The following LRGUK variants were observed in gnomAD, a reference collection of about 807,000 sequenced individuals.
LRGUK encodes leucine rich repeats and guanylate kinase domain containing.
LRGUK carries 65 observed loss-of-function variants against 76.0 expected under a neutral mutation model. That is an observed-to-expected ratio of 0.85 (90% CI 0.70 to 1.05). The LOEUF is 1.05. Ranked by LOEUF, LRGUK falls within the 50% of genes least tolerant of loss-of-function variation. The pLI, the probability that LRGUK is intolerant of heterozygous loss-of-function variation, is 0.00. For synonymous variants in LRGUK, 268 were observed against 265.6 expected, an observed-to-expected ratio of 1.01 and a Z score of -0.09; for missense variants, 758 against 732.8, an observed-to-expected ratio of 1.03 and a Z score of -0.40.
intron 5 of LRGUK, among the ~76,000 whole-genome samples, chr7:134,154,083 G>T (rs1585449366): frequency 6.6e-6 from 1 of 152,178 alleles, no homozygotes; most frequent in East Asian, 1.9e-4. Context: ...CCTTCATTCA[G>T]TTTCCCCAAG....
intron 6 of LRGUK, among the ~76,000 whole-genome samples, chr7:134,161,688 CTT>C (rs57550981): frequency 8.6e-4 from 91 of 105,430 alleles, no homozygotes; most frequent in South Asian, 2.3e-3. Context: ...TATTGTTATT[CTT>C]TTTTTTTTTT....
At chr7:134,134,948 AG>A (rs1797463843) in intron 1 of LRGUK, among the ~76,000 whole-genome samples, 1 of 152,172 alleles carries the variant, frequency 6.6e-6, no homozygotes, top group African/African-American at 2.4e-5. Flanking sequence ...AAATATTAAA[AG>A]AAGGTGTTGG....
chr7:134,177,407 T>C (rs1799528544), intron 9 of LRGUK, among the ~76,000 whole-genome samples: 1 of 152,226 alleles, frequency 6.6e-6, no homozygotes, highest in East Asian at 1.9e-4. Flanking sequence ...TGATTCTATC[T>C]GTGTTACCTG....
At chr7:134,166,339 G>A (rs1408689310) in intron 7 of LRGUK, among the ~76,000 whole-genome samples, 1 of 152,040 alleles carries the variant, frequency 6.6e-6, no homozygotes, top group East Asian at 1.9e-4. Flanking sequence ...GGAATTTGGG[G>A]ACCTTAGTTA....
At chr7:134,233,884 C>G (rs1226843359) in intron 16 of LRGUK, among the ~76,000 whole-genome samples, 1 of 152,204 alleles carries the variant, frequency 6.6e-6, no homozygotes, top group Non-Finnish European at 1.5e-5. Context: ...CTTGTCCAAC[C>G]CACAGCCTGC....
intron 11 of LRGUK, among the ~76,000 whole-genome samples, chr7:134,184,691 T>G (rs1799909240): frequency 6.6e-6 from 1 of 152,194 alleles, no homozygotes; most frequent in Non-Finnish European, 1.5e-5. Context: ...ATTCATGCTG[T>G]TCCCCACCTT....
chr7:134,161,401 T>C (rs1294118728), intron 6 of LRGUK, among the ~76,000 whole-genome samples: 1 of 152,014 alleles, frequency 6.6e-6, no homozygotes, highest in Admixed American at 6.6e-5. Context: ...CTTTGGCAAA[T>C]GGATTATGGG....
At chr7:134,214,942 G>A (rs779935326), downstream of LRGUK, among the ~76,000 whole-genome samples, 45 of 152,212 alleles carry the variant, frequency 3.0e-4, no homozygotes, top group South Asian at 1.2e-3. Flanking sequence ...TAGATGCTGT[G>A]TTATGGGAAT....
At chr7:134,264,683 TG>T (rs1303956729), downstream of LRGUK, 1 of 152,212 alleles carries the variant, frequency 6.6e-6, no homozygotes, top group Admixed American at 6.5e-5. Context: ...TTTCACTCCT[TG>T]TCTTAAAAAG....
intron 16 of LRGUK, among the ~76,000 whole-genome samples, chr7:134,247,083 T>G (rs1446990210): frequency 6.6e-6 from 1 of 152,222 alleles, no homozygotes; most frequent in African/African-American, 2.4e-5. Flanking sequence ...TAAAGAATGA[T>G]AGTGATATTT....
In LRGUK at chr7:134,143,129, G is replaced by A. The variant is rs143852949; in HGVS notation, c.555G>A (p.Thr185=). Residue 185 remains threonine (T), a synonymous_variant, in exon 4 of 16, where the codon ACG becomes ACA. Coordinates refer to ENST00000645682, the Ensembl canonical transcript of LRGUK. ...ATGCTTCTCAAAATAATTTGACTAC[G>A]TTCTTCAATTTCAAGCCACCCAAAA... 4.8e-4 allele frequency: 779 copies of A among 1,609,482 alleles called. 3 individuals carry two copies. The African/African-American group carries it at 9.0e-3, about 19-fold the overall frequency.
chr7:134,155,485 T>A (rs958831140), intron 5 of LRGUK, among the ~76,000 whole-genome samples: 2 of 152,194 alleles, frequency 1.3e-5, no homozygotes, highest in Non-Finnish European at 2.9e-5. Flanking sequence ...ACTGAAACCA[T>A]TGAGGAAAAC....
intron 15 of LRGUK, among the ~76,000 whole-genome samples, 196 bp downstream of exon 15, chr7:134,201,772 T>C (rs1003353572): frequency 1.2e-4 from 19 of 152,094 alleles, no homozygotes; most frequent in African/African-American, 4.1e-4. Context: ...CTTATCTCCA[T>C]GGTCATGATG....
At position 134,191,888 on chromosome 7, in the gene LRGUK, T is replaced by C. The variant is rs1800269257; in HGVS notation, c.1431+137T>C. ...TGAGAGGTGAGTTTTTATGGGGTTT[T>C]TTTTTTTTCTTAAAGTGCTTAATAC... On this transcript the variant is annotated intron_variant, in intron 12 of 15. Transcript: ENST00000645682. 9.1e-6 allele frequency: 5 copies of C among 550,408 alleles called. No individual in the cohort carries two copies. In the South Asian group the frequency reaches 1.5e-4, roughly 17 times the overall value. 34.1% of individuals were successfully genotyped at this position (550,408 alleles called of 1,614,324 possible).
At chr7:134,211,921 C>T (rs1222420663), downstream of LRGUK, among the ~76,000 whole-genome samples, 1 of 152,254 alleles carries the variant, frequency 6.6e-6, no homozygotes, top group East Asian at 1.9e-4. Context: ...TGGAACATAA[C>T]CAGGACTCTA....
At chr7:134,133,595 G>C (rs139936034) in intron 1 of LRGUK, among the ~76,000 whole-genome samples, 162 of 152,260 alleles carry the variant, frequency 1.1e-3, no homozygotes, top group African/African-American at 3.6e-3. Context: ...ACAGTGGCTG[G>C]CATGTGCTAG....
chr7:134,146,685 C>G (rs537466262), intron 4 of LRGUK, among the ~76,000 whole-genome samples: 15 of 152,256 alleles, frequency 9.9e-5, no homozygotes, highest in African/African-American at 3.4e-4. Context: ...CAGTTTTCTA[C>G]TCTTGCCATT....
At chr7:134,136,914 T>C in intron 1 of LRGUK, 109 bp from the exon 2 acceptor site, 1 of 902,482 alleles carries the variant, frequency 1.1e-6, no homozygotes. Flanking sequence ...TTTGGAGAGC[T>C]CAGCTCCTGG....
chr7:134,264,438 T>A (rs1802818764), exon 20 of LRGUK: 1 of 152,596 alleles, frequency 6.6e-6, no homozygotes, highest in African/African-American at 2.4e-5. Context: ...GAGGATTGAT[T>A]TATTTTGCTC....
Sources: allele counts gnomAD v4.1 joint callset (sites outside exome capture counted in the v4.1 genomes callset), GRCh38; gene constraint gnomAD v4.1.1; transcripts MANE v1.5; gene names NCBI Gene and HGNC (gene_info 2026-07-23, HGNC 2026-07-21).